HS6ST3: variants seen among roughly 807,000 people sequenced by gnomAD.
The protein encoded by HS6ST3 is heparan sulfate 6-O-sulfotransferase 3.
HS6ST3 carries 12 observed loss-of-function variants against 36.7 expected under a neutral mutation model. The ratio of observed to expected loss-of-function variants is 0.33; its 90% confidence interval spans 0.21 to 0.53. The LOEUF is 0.53. Among genes scored for constraint, HS6ST3 ranks in the 20% least tolerant of loss-of-function variants. HS6ST3 has a pLI of 0.95. For synonymous variants in HS6ST3, 240 were observed against 257.5 expected, an observed-to-expected ratio of 0.93 and a Z score of 0.65; for missense variants, 584 against 640.9, an observed-to-expected ratio of 0.91 and a Z score of 0.96.
intron 1 of HS6ST3, among the ~76,000 whole-genome samples, chr13:96,344,837 T>A (rs185341218): frequency 6.6e-6 from 1 of 152,370 alleles, no homozygotes; most frequent in African/African-American, 2.4e-5. Flanking sequence ...ATTATACGAA[T>A]GCCTGTTTTG....
chr13:96,743,566 G>C (rs2138486790), intron 1 of HS6ST3, among the ~76,000 whole-genome samples: 1 of 152,120 alleles, frequency 6.6e-6, no homozygotes, highest in African/African-American at 2.4e-5. Flanking sequence ...GTGAATAACT[G>C]GTCTTTCTAT....
intron 1 of HS6ST3, among the ~76,000 whole-genome samples, chr13:96,595,620 C>A (rs2056398729): frequency 6.6e-6 from 1 of 152,000 alleles, no homozygotes; most frequent in Non-Finnish European, 1.5e-5. Flanking sequence ...TTTAGATAAG[C>A]TTTATAGCCC....
chr13:96,267,977 C>G (rs2054700945), intron 1 of HS6ST3, among the ~76,000 whole-genome samples: 1 of 151,838 alleles, frequency 6.6e-6, no homozygotes, highest in African/African-American at 2.4e-5. Flanking sequence ...CTCACAAGAC[C>G]TCTTCTTTAC....
chr13:96,820,238 T>C lies in HS6ST3; in HGVS notation c.708-12252T>C, dbSNP rs79774345. Among the ~76,000 whole-genome samples the C allele has an allele frequency of 2.2e-4, 33 of 152,310 alleles. No homozygotes were observed. The East Asian group carries it at 6.0e-3, about 28-fold the overall frequency. On this transcript the variant is annotated intron_variant, in intron 1 of 1. Coordinates refer to ENST00000376705, the MANE Select transcript of HS6ST3 (RefSeq NM_153456.4). ...TGAAATAATGGATGAAGAAAGTAGT[T>C]TGAAAACTTAAAAAAGTTAGACAAA...
intron 1 of HS6ST3, among the ~76,000 whole-genome samples, chr13:96,228,078 T>C (rs1167670887): frequency 1.3e-5 from 2 of 152,180 alleles, no homozygotes; most frequent in Non-Finnish European, 2.9e-5. Context: ...TAATAAAGGA[T>C]CAAGTAGTAG....
At chr13:96,399,140 G>A (rs1265759797) in intron 1 of HS6ST3, among the ~76,000 whole-genome samples, 1 of 152,216 alleles carries the variant, frequency 6.6e-6, no homozygotes, top group Non-Finnish European at 1.5e-5. Context: ...TACACATCAA[G>A]TCAAGTTTCT....
At chr13:96,593,235 G>A (rs1447369675) in intron 1 of HS6ST3, among the ~76,000 whole-genome samples, 3 of 125,010 alleles carry the variant, frequency 2.4e-5, no homozygotes, top group Non-Finnish European at 3.2e-5. Context: ...CCAGGCTGGA[G>A]TGCAGTGGTG....
intron 1 of HS6ST3, among the ~76,000 whole-genome samples, chr13:96,503,539 G>A (rs1594795491): frequency 6.6e-6 from 1 of 152,146 alleles, no homozygotes; most frequent in Non-Finnish European, 1.5e-5. Flanking sequence ...GGCCTAGTAG[G>A]AAGAGTGGGA....
intron 1 of HS6ST3, among the ~76,000 whole-genome samples, chr13:96,527,156 C>T (rs1023645835): frequency 6.6e-6 from 1 of 151,734 alleles, no homozygotes. Flanking sequence ...GTGGAACAAT[C>T]ACGGCTCACT....
rs1434918736 is a variant in HS6ST3 at position 96,832,784 on chromosome 13, C to A, written c.1002C>A (p.Asn334Lys). The A allele has an allele frequency of 6.8e-6, 11 of 1,614,180 alleles. No homozygotes were observed. The highest frequency in any genetic ancestry group is 9.3e-6 in the Non-Finnish European group (11 of 1,180,026). Residue 334 changes from asparagine (N) to lysine (K), a missense_variant, in exon 2 of 2, where the codon AAC becomes AAA. Transcript: ENST00000376705. The part of the protein sequence containing the change: ...NLTFMNESER[N>K]TILLQSAKNN... ...CTTTCATGAACGAGAGTGAAAGAAA[C>A]ACCATCCTGTTGCAGAGTGCAAAGA...
chr13:96,347,192 G>A (rs188634587), intron 1 of HS6ST3, among the ~76,000 whole-genome samples: 22 of 152,228 alleles, frequency 1.4e-4, no homozygotes, highest in African/African-American at 4.6e-4. Context: ...ATAATAAGCC[G>A]GAACTGTTTC....
chr13:96,374,721 T>C (rs2055306466), intron 1 of HS6ST3, among the ~76,000 whole-genome samples: 1 of 152,116 alleles, frequency 6.6e-6, no homozygotes, highest in South Asian at 2.1e-4. Context: ...TCACTATACA[T>C]CAGAGAACAA....
chr13:96,110,723 C>A (rs776751783), intron 1 of HS6ST3, among the ~76,000 whole-genome samples: 1 of 152,054 alleles, frequency 6.6e-6, no homozygotes, highest in South Asian at 2.1e-4. Flanking sequence ...CACGCCTGGC[C>A]GGGGATCACA....
chr13:96,295,421 A>G (rs1386851093), intron 1 of HS6ST3, among the ~76,000 whole-genome samples: 1 of 152,128 alleles, frequency 6.6e-6, no homozygotes, highest in Non-Finnish European at 1.5e-5. Flanking sequence ...ATGTTAACAT[A>G]ACAACAGTTG....
chr13:96,735,774 A>C (rs1234297770), intron 1 of HS6ST3, among the ~76,000 whole-genome samples: 1 of 152,254 alleles, frequency 6.6e-6, no homozygotes, highest in Non-Finnish European at 1.5e-5. Context: ...TAAGCTGTTT[A>C]AACTCACCTA....
intron 1 of HS6ST3, among the ~76,000 whole-genome samples, chr13:96,818,777 C>A (rs1878473934): frequency 6.6e-6 from 1 of 152,204 alleles, no homozygotes. Context: ...AAATTCCAAG[C>A]TCCCACACTA....
chr13:96,189,470 G>GATGTA lies in HS6ST3; in HGVS notation c.707+97902_707+97906dup, dbSNP rs1666916779. On this transcript the variant is annotated intron_variant, in intron 1 of 1. Transcript: ENST00000376705. Reference sequence around the variant, plus strand: ...GGACTTCCCTCTAGCATGGATCTAGGATGTAGGGCTATCTCTCGACAGAGT... The same window carrying GATGTA: ...GGACTTCCCTCTAGCATGGATCTAGGATGTAATGTAGGGCTATCTCTCGACAGAGT... Among the ~76,000 whole-genome samples, 3 of 152,140 alleles carry GATGTA rather than the reference G, an allele frequency of 2.0e-5. No homozygotes were observed. In the South Asian group the frequency reaches 6.2e-4, roughly 32 times the overall value.
rs185554410 is a variant in HS6ST3 at position 96,187,500 on chromosome 13, T to G, written c.707+95931T>G. Among the ~76,000 whole-genome samples, 44 of 152,262 alleles carry G rather than the reference T, an allele frequency of 2.9e-4. No homozygotes were observed. The East Asian group carries it at 5.2e-3, about 18-fold the overall frequency. On this transcript the variant is annotated intron_variant, in intron 1 of 1. Coordinates refer to ENST00000376705, the MANE Select transcript of HS6ST3 (RefSeq NM_153456.4). ...CAGTTAGTCAGTGGCAGAGCCAGTT[T>G]AGAGCCCAGGGCTCTATGACTCCAA... is the stretch of plus-strand genomic sequence containing the variant.
intron 1 of HS6ST3, among the ~76,000 whole-genome samples, chr13:96,243,278 G>A (rs8002865): frequency 0.52 from 78,588 of 151,990 alleles, 20,725 homozygotes; most frequent in Admixed American, 0.65. Context: ...TTAGTGCTAA[G>A]ATTTTATTTT....
Sources: gnomAD v4.1 joint callset for allele counts (sites outside exome capture counted in the v4.1 genomes callset) on GRCh38, gnomAD v4.1.1 for gene constraint, MANE v1.5 for transcripts, NCBI Gene and HGNC (gene_info 2026-07-23, HGNC 2026-07-21) for gene names.